The following RBFOX1 variants were observed in gnomAD, a reference collection of about 807,000 sequenced individuals.
RBFOX1 encodes the protein RNA binding fox-1 homolog 1.
RBFOX1 carries 8 observed loss-of-function variants against 57.7 expected under a neutral mutation model. That is an observed-to-expected ratio of 0.14 (90% CI 0.08 to 0.25). The LOEUF (loss-of-function observed/expected upper bound fraction) is 0.25, where lower values mean the gene tolerates loss of function less well. Among genes scored for constraint, RBFOX1 ranks in the 10% least tolerant of loss-of-function variants. The pLI is 1.00. For synonymous variants in RBFOX1, 326 were observed against 222.4 expected, an observed-to-expected ratio of 1.47 and a Z score of -4.15; for missense variants, 611 against 548.5, an observed-to-expected ratio of 1.11 and a Z score of -1.14.
At chr16:5,608,199 C>G (rs532861597) in intron 3 of RBFOX1, among the ~76,000 whole-genome samples, 2 of 152,132 alleles carry the variant, frequency 1.3e-5, no homozygotes, top group African/African-American at 2.4e-5. Flanking sequence ...CATAACACCC[C>G]GGGGGCAAGT....
intron 1 of RBFOX1, among the ~76,000 whole-genome samples, chr16:5,377,654 G>A (rs145939306): frequency 2.0e-5 from 3 of 151,242 alleles, no homozygotes; most frequent in South Asian, 2.1e-4. Context: ...GAGAGAAGGC[G>A]GAGGCAGAGA....
At chr16:5,834,881 A>G (rs1427740805) in intron 3 of RBFOX1, among the ~76,000 whole-genome samples, 3 of 152,166 alleles carry the variant, frequency 2.0e-5, no homozygotes, top group African/African-American at 7.2e-5. Context: ...GGATTGCTGG[A>G]CTGAATGGTA....
intron 2 of RBFOX1, among the ~76,000 whole-genome samples, chr16:6,487,673 TAAAAAAAAAAAAAAAAAAAA>T (rs777856402): frequency 8.3e-4 from 32 of 38,746 alleles, no homozygotes; most frequent in African/African-American, 1.9e-3. Flanking sequence ...GTGATATATG[TAAAAAAAAAAAAAAAAAAAA>T]AAAAAAAATA....
intron 4 of RBFOX1, among the ~76,000 whole-genome samples, chr16:7,128,294 G>C (rs142141521): frequency 3.9e-5 from 6 of 152,260 alleles, no homozygotes; most frequent in Non-Finnish European, 8.8e-5. Context: ...CTGCAAGATA[G>C]GTACTATACT....
intron 2 of RBFOX1, among the ~76,000 whole-genome samples, chr16:6,496,132 G>A (rs536985186): frequency 2.0e-3 from 311 of 151,904 alleles, no homozygotes; most frequent in Non-Finnish European, 3.6e-3. Flanking sequence ...AACGGTCAGG[G>A]GAATTTGGAA....
At position 6,153,503 on chromosome 16, in the gene RBFOX1, C is replaced by G. The variant is rs142018677; in HGVS notation, c.-127+133511C>G. Reference sequence around the variant, plus strand: ...ATTTTCAAGTTAACACACAGTCCCACTCCTTCCTCCAAGTTCCCAAAGTCC... The same window carrying G: ...ATTTTCAAGTTAACACACAGTCCCAGTCCTTCCTCCAAGTTCCCAAAGTCC... On this transcript the variant is annotated intron_variant, in intron 1 of 15. Transcript: ENST00000550418. 5.1e-4 allele frequency among the ~76,000 whole-genome samples: 77 copies of G among 152,112 alleles called. 1 individual carries two copies. Among genetic ancestry groups the G allele is most frequent in the African/African-American group, 1.7e-3 (71 of 41,538 alleles).
chr16:7,357,304 A>G (rs1874951786), intron 4 of RBFOX1, among the ~76,000 whole-genome samples: 1 of 152,152 alleles, frequency 6.6e-6, no homozygotes, highest in Non-Finnish European at 1.5e-5. Context: ...GGTTATCATC[A>G]TTATACTCCC....
intron 1 of RBFOX1, among the ~76,000 whole-genome samples, chr16:5,259,609 C>T (rs938801429): frequency 5.3e-5 from 8 of 152,054 alleles, no homozygotes; most frequent in African/African-American, 1.4e-4. Flanking sequence ...TCTAGGGAGG[C>T]CAGCGTGTGT....
chr16:7,215,826 G>A lies in RBFOX1; in HGVS notation c.27+163728G>A, dbSNP rs557665370. On this transcript the variant is annotated intron_variant, in intron 4 of 15. Transcript: ENST00000550418. ...TGCAAGCTCTGCCTCTCGGGTTCAC[G>A]CCATTCTCCTGCCTCAGCCTCCCGA... 3.3e-5 allele frequency among the ~76,000 whole-genome samples: 5 copies of A among 149,988 alleles called. No individual in the cohort carries two copies. The East Asian group carries it at 6.0e-4, about 18-fold the overall frequency.
At chr16:7,646,693 G>GC (rs2144059957) in intron 11 of RBFOX1, among the ~76,000 whole-genome samples, 1 of 152,212 alleles carries the variant, frequency 6.6e-6, no homozygotes, top group African/African-American at 2.4e-5. Context: ...TGCAGAATCC[G>GC]CCCCCCTGTC....
intron 2 of RBFOX1, among the ~76,000 whole-genome samples, chr16:6,443,864 ATCCATCCC>A (rs1297082965): frequency 1.3e-5 from 2 of 151,842 alleles, no homozygotes; most frequent in African/African-American, 4.8e-5. Flanking sequence ...CCATCCATCC[ATCCATCCC>A]TCCATCCATG....
At chr16:5,548,660 A>T (rs977880104) in intron 2 of RBFOX1, among the ~76,000 whole-genome samples, 4 of 151,516 alleles carry the variant, frequency 2.6e-5, no homozygotes, top group Non-Finnish European at 4.4e-5. Flanking sequence ...GATTAAAAAT[A>T]AAAAAAAACT....
chr16:5,605,841 C>G (rs934002489), intron 3 of RBFOX1, among the ~76,000 whole-genome samples: 14 of 152,124 alleles, frequency 9.2e-5, no homozygotes, highest in African/African-American at 3.4e-4. Flanking sequence ...ATGGTAATGT[C>G]TGCCTTGAGA....
intron 3 of RBFOX1, among the ~76,000 whole-genome samples, chr16:6,970,163 A>G (rs938477016): frequency 1.3e-5 from 2 of 152,026 alleles, no homozygotes; most frequent in African/African-American, 4.8e-5. Context: ...GGGCAACAGA[A>G]CAAGACTCTG....
chr16:7,292,960 C>T (rs1037377963), intron 4 of RBFOX1, among the ~76,000 whole-genome samples: 10 of 151,988 alleles, frequency 6.6e-5, no homozygotes, highest in African/African-American at 9.7e-5. Context: ...GGTGAGGATA[C>T]GAATTTGTTC....
chr16:5,772,857 T>G (rs1479591184), intron 3 of RBFOX1, among the ~76,000 whole-genome samples: 3 of 152,000 alleles, frequency 2.0e-5, no homozygotes, highest in Non-Finnish European at 2.9e-5. Flanking sequence ...AGTTACAGTT[T>G]TAAATAAGAG....
At chr16:6,284,021 G>A (rs1047335462) in intron 1 of RBFOX1, among the ~76,000 whole-genome samples, 1 of 152,198 alleles carries the variant, frequency 6.6e-6, no homozygotes, top group Non-Finnish European at 1.5e-5. Flanking sequence ...TGCTGGAATG[G>A]ATGGAGAGAA....
intron 4 of RBFOX1, among the ~76,000 whole-genome samples, chr16:7,357,514 G>T (rs1294681366): frequency 6.6e-6 from 1 of 152,146 alleles, no homozygotes; most frequent in African/African-American, 2.4e-5. Context: ...GCTGTTTGAA[G>T]AAATGAAATC....
chr16:6,622,536 C>T (rs2098248253), intron 2 of RBFOX1, among the ~76,000 whole-genome samples: 1 of 152,000 alleles, frequency 6.6e-6, no homozygotes, highest in African/African-American at 2.4e-5. Flanking sequence ...GTGATGTTGT[C>T]ACAAGGATGA....
Sources: gnomAD v4.1 joint callset for allele counts (sites outside exome capture counted in the v4.1 genomes callset) on GRCh38, gnomAD v4.1.1 for gene constraint, MANE v1.5 for transcripts, NCBI Gene and HGNC (gene_info 2026-07-23, HGNC 2026-07-21) for gene names.